CLTCL1: variants seen among roughly 807,000 people sequenced by gnomAD.
CLTCL1 encodes clathrin heavy chain like 1, also known as clathrin heavy chain 2.
Under a neutral mutation model 190.0 loss-of-function variants are expected in CLTCL1, and 159 were observed. That is an observed-to-expected ratio of 0.84 (90% CI 0.74 to 0.95). CLTCL1 has a LOEUF of 0.95. Among genes scored for constraint, CLTCL1 ranks in the 40% least tolerant of loss-of-function variants. CLTCL1 has a pLI of 0.00. For synonymous variants in CLTCL1, 752 were observed against 769.6 expected (o/e 0.98, Z 0.38); for missense variants, 1,878 against 2,033.4 (o/e 0.92, Z 1.47).
chr22:19,272,344 C>A (rs2087347587), intron 2 of CLTCL1, among the ~76,000 whole-genome samples: 1 of 152,190 alleles, frequency 6.6e-6, no homozygotes, highest in South Asian at 2.1e-4. Flanking sequence ...CTGCTCCAGG[C>A]TTCTCCAGAA....
chr22:19,195,270 C>G (rs559337780), intron 26 of CLTCL1, among the ~76,000 whole-genome samples: 9 of 152,306 alleles, frequency 5.9e-5, no homozygotes, highest in Non-Finnish European at 1.0e-4. Flanking sequence ...AGACTCTGCT[C>G]AGGGTGGGAC....
intron 10 of CLTCL1, 89 bp from the exon 11 acceptor site, chr22:19,230,064 C>T: frequency 1.8e-6 from 2 of 1,086,914 alleles, no homozygotes; most frequent in Non-Finnish European, 2.5e-6. Context: ...AATATTATCT[C>T]ATTTAGAAAT....
At chr22:19,189,061 C>A (rs1344710171) in intron 27 of CLTCL1, among the ~76,000 whole-genome samples, 1 of 152,172 alleles carries the variant, frequency 6.6e-6, no homozygotes, top group Non-Finnish European at 1.5e-5. Flanking sequence ...GCGCCCACCA[C>A]ACCTGGCTAA....
At position 19,232,495 on chromosome 22, in the gene CLTCL1, G is replaced by A. The variant is rs201800229; in HGVS notation, c.1625C>T (p.Pro542Leu). The A allele has an allele frequency of 1.3e-4, 211 of 1,613,950 alleles. 1 individual carries two copies. Among genetic ancestry groups the A allele is most frequent in the Middle Eastern group, 6.6e-4 (4 of 6,062 alleles). The change falls in exon 10 of 33, where the codon CCG becomes CTG. Residue 542 changes from proline to leucine, a missense_variant. Transcript: ENST00000427926. ...FSRMLVQDEE[P>L]LANISQIVDI... is the part of the protein sequence containing the mutation. The stretch of plus-strand genomic sequence containing the variant: ...GCTCACCTGGCTAATGTTGGCCAGC[G>A]GCTCCTCGTCCTGCACTAGCATTCG...
rs782526490 is a variant in CLTCL1, at chr22:19,221,627, G to A, written c.2562-16C>T. On this transcript the variant is annotated splice_polypyrimidine_tract_variant and intron_variant, in intron 16 of 32. Transcript: ENST00000427926. ...CAGCTTGAGCCTTTGAAAGAAGGAA[G>A]GTGCTGTAAAGTCTCAAGGCTACCA... The A allele has an allele frequency of 6.4e-7, 1 of 1,559,970 alleles. No individual in the cohort carries two copies. The highest frequency in any genetic ancestry group is 8.7e-7 in the Non-Finnish European group (1 of 1,150,492).
chr22:19,277,932 C>A (rs1451889928), intron 1 of CLTCL1, among the ~76,000 whole-genome samples: 2 of 152,216 alleles, frequency 1.3e-5, no homozygotes, highest in East Asian at 3.8e-4. Context: ...AGCTATAAAG[C>A]AGGGTTCCCA....
rs1555931867 is a variant in CLTCL1, at chr22:19,191,331, G to T, written c.4296C>A (p.His1432Gln). 6.8e-6 allele frequency: 11 copies of T among 1,613,900 alleles called. No homozygotes were observed. The highest frequency in any genetic ancestry group is 3.3e-5 in the Admixed American group (2 of 59,998). ...LLLVLSPRLD[H>Q]TWTVSFFSKA... ...TTGAAAAGAAACTGACTGTCCAGGTGTGGTCCAGCCGGGGTGAAAGCACCA... is the reference window on the plus strand; with the variant it reads ...TTGAAAAGAAACTGACTGTCCAGGTTTGGTCCAGCCGGGGTGAAAGCACCA... The change falls in exon 27 of 33, where the codon CAC becomes CAA. Residue 1432 changes from histidine to glutamine, a missense_variant. Transcript: ENST00000427926.
At chr22:19,286,108 T>C (rs190576377) in intron 1 of CLTCL1, among the ~76,000 whole-genome samples, 4 of 152,294 alleles carry the variant, frequency 2.6e-5, no homozygotes, top group Admixed American at 2.0e-4. Flanking sequence ...CTCCTAGGAC[T>C]TAATTCTTTC....
At chr22:19,250,812 C>T (rs1555969710) in intron 3 of CLTCL1, among the ~76,000 whole-genome samples, 1 of 152,160 alleles carries the variant, frequency 6.6e-6, no homozygotes, top group Non-Finnish European at 1.5e-5. Flanking sequence ...CCTCAACCTC[C>T]CAAAGTGCTG....
intron 5 of CLTCL1, among the ~76,000 whole-genome samples, chr22:19,237,976 GATT>G (rs1278620206): frequency 6.6e-6 from 1 of 152,136 alleles, no homozygotes; most frequent in Non-Finnish European, 1.5e-5. Context: ...AAGGAGAGTA[GATT>G]ATATAATCTT....
intron 1 of CLTCL1, among the ~76,000 whole-genome samples, chr22:19,291,254 G>A (rs920282266): frequency 2.0e-5 from 3 of 152,216 alleles, no homozygotes; most frequent in African/African-American, 7.2e-5. Context: ...GGAGGGGCGT[G>A]GAGCTGTGGG....
chr22:19,206,771 C>T (rs1291460222), intron 22 of CLTCL1, among the ~76,000 whole-genome samples: 1 of 151,726 alleles, frequency 6.6e-6, no homozygotes, highest in Non-Finnish European at 1.5e-5. Context: ...AAATTGCATG[C>T]GTTCCTCCAA....
intron 2 of CLTCL1, among the ~76,000 whole-genome samples, chr22:19,260,564 T>C (rs529140874): frequency 1.3e-4 from 19 of 148,354 alleles, no homozygotes; most frequent in Non-Finnish European, 2.5e-4. Flanking sequence ...TCACTTGAGG[T>C]CAGGAGTTCG....
chr22:19,261,541 G>A (rs377441551), intron 2 of CLTCL1, among the ~76,000 whole-genome samples: 6 of 152,152 alleles, frequency 3.9e-5, no homozygotes, highest in Non-Finnish European at 5.9e-5. Flanking sequence ...CGTGATTCAC[G>A]AGAGGAGATC....
chr22:19,233,286 G>A lies in CLTCL1; in HGVS notation c.1401C>T (p.Val467=). 6.2e-7 allele frequency: 1 copy of A among 1,613,742 alleles called. No homozygotes were observed. The highest frequency in any genetic ancestry group is 8.5e-7 in the Non-Finnish European group (1 of 1,179,658). Residue 467 remains valine (V), a synonymous_variant, in exon 9 of 33, where the codon GTC becomes GTT. Transcript: ENST00000427926. ...GAGCGAGCATGGGGTCAGTGGTTTT[G>A]ACCAAGTCTCCGAGCTCCTCTGAGC... is the stretch of plus-strand genomic sequence containing the variant. ...LECSEELGDL[V]KTTDPMLALS... is the part of the protein sequence containing the mutation.
chr22:19,257,697 G>C, intron 2 of CLTCL1: 2 of 807,394 alleles, frequency 2.5e-6, no homozygotes, highest in Middle Eastern at 4.7e-4. Context: ...GGGTGGCTTG[G>C]GGTCCAGGGC....
intron 11 of CLTCL1, among the ~76,000 whole-genome samples, chr22:19,228,083 G>A (rs1296794650): frequency 5.9e-5 from 9 of 152,090 alleles, no homozygotes; most frequent in Admixed American, 5.2e-4. Context: ...CACCAACCAG[G>A]TATGGCCACA....
At chr22:19,284,049 T>C (rs1426416230) in intron 1 of CLTCL1, among the ~76,000 whole-genome samples, 2 of 151,260 alleles carry the variant, frequency 1.3e-5, no homozygotes, top group Non-Finnish European at 2.9e-5. Flanking sequence ...AAATTACTCA[T>C]CTGATAGTCC....
At chr22:19,242,271 G>A (rs1212384151) in intron 4 of CLTCL1, among the ~76,000 whole-genome samples, 1 of 151,156 alleles carries the variant, frequency 6.6e-6, no homozygotes, top group Non-Finnish European at 1.5e-5. Context: ...GTGCATTTCA[G>A]TCTAGTCTGT....
Sources: allele counts gnomAD v4.1 joint callset (sites outside exome capture counted in the v4.1 genomes callset), GRCh38; gene constraint gnomAD v4.1.1; transcripts MANE v1.5; gene names NCBI Gene and HGNC (gene_info 2026-07-23, HGNC 2026-07-21).